The following HAVCR1 variants were observed in gnomAD, a reference collection of about 807,000 sequenced individuals.
HAVCR1 encodes the protein T cell immunoglobin domain and mucin domain protein 1.
Under a neutral mutation model 32.0 loss-of-function variants are expected in HAVCR1, and 34 were observed. The observed-to-expected ratio is 1.06, with a 90% CI of 0.81 to 1.42. The LOEUF is 1.42. HAVCR1 is among the 40% of genes most tolerant of loss of function. The pLI, the probability that HAVCR1 is intolerant of heterozygous loss-of-function variation, is 0.00. For synonymous variants in HAVCR1, 178 were observed against 170.3 expected (o/e 1.05, Z -0.35); for missense variants, 420 against 442.3 (o/e 0.95, Z 0.45).
intron 4 of HAVCR1, among the ~76,000 whole-genome samples, chr5:157,050,735 A>G (rs1348835701): frequency 6.6e-6 from 1 of 152,234 alleles, no homozygotes; most frequent in Non-Finnish European, 1.5e-5. Flanking sequence ...CAACATTGAG[A>G]AAGTCTAACA....
the HAVCR1 span, among the ~76,000 whole-genome samples, chr5:157,066,231 T>A: frequency 1.3e-5 from 2 of 151,946 alleles, no homozygotes; most frequent in Non-Finnish European, 2.9e-5. Flanking sequence ...ATAAGATTTG[T>A]CATAGACTGA....
intron 4 of HAVCR1, among the ~76,000 whole-genome samples, chr5:157,050,357 C>T (rs1581714442): frequency 6.6e-6 from 1 of 152,186 alleles, no homozygotes; most frequent in East Asian, 1.9e-4. Context: ...CTTTTCTCCA[C>T]TGCTCCTACA....
chr5:157,032,241 G>A (rs376699100), intron 8 of HAVCR1, among the ~76,000 whole-genome samples: 9 of 152,154 alleles, frequency 5.9e-5, no homozygotes, highest in East Asian at 3.9e-4. Context: ...AAAAATGGCC[G>A]GGCGCGGTGG....
intron 6 of HAVCR1, 109 bp downstream of exon 6, chr5:157,042,518 A>G (rs1046340563): frequency 6.5e-6 from 4 of 618,566 alleles, no homozygotes; most frequent in African/African-American, 5.7e-5. Flanking sequence ...TTAAGAAGAA[A>G]AAAAAAATTC....
chr5:157,047,994 A>G (rs1755509402), intron 5 of HAVCR1, among the ~76,000 whole-genome samples: 1 of 151,806 alleles, frequency 6.6e-6, no homozygotes, highest in Non-Finnish European at 1.5e-5. Context: ...TGGGGAAAAA[A>G]CTCCACACAT....
intron 6 of HAVCR1, among the ~76,000 whole-genome samples, chr5:157,042,209 G>A (rs1340499634): frequency 1.3e-5 from 2 of 151,938 alleles, no homozygotes; most frequent in East Asian, 3.9e-4. Context: ...AAAGCATCCC[G>A]AGGCGGGCGG....
Position 157,037,305 on chromosome 5 carries a change from A to G in HAVCR1, c.894T>C (p.Ala298=). Residue 298 remains alanine (A), a synonymous_variant, in exon 7 of 9, where the codon GCT becomes GCC. Transcript: ENST00000523175. The part of the protein sequence containing the change: ...LTANTTKGIY[A]GVCISVLVLL... ...GCACCAAGACAGAAATACAGACTCC[A>G]GCATAGATTCCTTTAGTGGTATTGG... The G allele has an allele frequency of 6.2e-7, 1 of 1,608,296 alleles. No homozygotes were observed.
chr5:157,048,940 C>T, intron 5 of HAVCR1, 98 bp downstream of exon 5: 2 of 734,458 alleles, frequency 2.7e-6, no homozygotes, highest in East Asian at 5.0e-5. Context: ...GGTGTTGGCA[C>T]TCAGATCAGT....
upstream of HAVCR1, among the ~76,000 whole-genome samples, chr5:157,061,789 G>C (rs1561609882): frequency 6.6e-6 from 1 of 152,114 alleles, no homozygotes; most frequent in Non-Finnish European, 1.5e-5. Flanking sequence ...ATGACGGAAT[G>C]TGGGGGGTGG....
the HAVCR1 span, among the ~76,000 whole-genome samples, chr5:157,064,695 T>C: frequency 3.3e-5 from 5 of 151,660 alleles, no homozygotes; most frequent in Non-Finnish European, 7.4e-5. Flanking sequence ...GGCAAAACCC[T>C]GTCTCTACTA....
chr5:157,031,907 G>A (rs941916238), intron 8 of HAVCR1, among the ~76,000 whole-genome samples: 2 of 152,124 alleles, frequency 1.3e-5, no homozygotes, highest in Admixed American at 6.6e-5. Context: ...AGTGGAGCAG[G>A]CTGGGTAGGG....
intron 3 of HAVCR1, among the ~76,000 whole-genome samples, chr5:157,053,201 C>G (rs907386413): frequency 2.6e-5 from 1 of 37,772 alleles, no homozygotes; most frequent in Admixed American, 3.9e-4. Flanking sequence ...CCAGACCAGC[C>G]TGGGCAACAG....
rs758195460 is a variant in HAVCR1 at position 157,049,053 on chromosome 5, A to G, written c.766T>C (p.Tyr256His). ...ACGCAGTTACCTGTTGTGTAAGAGTACAATGGTGAGCTGGTGGGTTCTCTC... is the reference window on the plus strand; with the variant it reads ...ACGCAGTTACCTGTTGTGTAAGAGTGCAATGGTGAGCTGGTGGGTTCTCTC... The part of the protein sequence containing the change: ...IRREPTSSPL[Y>H]SYTTDGNDTV... Residue 256 changes from tyrosine to histidine, a missense_variant, in exon 5 of 9, where the codon TAC (tyrosine) becomes CAC (histidine). Coordinates refer to ENST00000523175, the MANE Select transcript of HAVCR1 (RefSeq NM_001173393.3). The G allele has an allele frequency of 3.8e-6, 6 of 1,594,404 alleles. No homozygotes were observed. In the East Asian group the frequency reaches 1.3e-4, roughly 36 times the overall value.
intron 6 of HAVCR1, among the ~76,000 whole-genome samples, chr5:157,041,238 CTG>C (rs1754872506): frequency 6.6e-6 from 1 of 152,180 alleles, no homozygotes; most frequent in Non-Finnish European, 1.5e-5. Context: ...TGGCTCACGC[CTG>C]TAATTCCAGC....
At chr5:157,044,641 G>GAAAGA in intron 5 of HAVCR1, among the ~76,000 whole-genome samples, 1 of 108,518 alleles carries the variant, frequency 9.2e-6, no homozygotes, top group Admixed American at 9.2e-5. Context: ...AAGAAAGAAA[G>GAAAGA]AAAGAAAGAA....
At chr5:157,044,645 GAAAGAA>G (rs1755239001) in intron 5 of HAVCR1, among the ~76,000 whole-genome samples, 1 of 114,326 alleles carries the variant, frequency 8.7e-6, no homozygotes, top group Non-Finnish European at 1.7e-5. Flanking sequence ...AAGAAAGAAA[GAAAGAA>G]AGAAAGAAAG....
intron 8 of HAVCR1, 105 bp from the exon 9 acceptor site, chr5:157,029,946 G>C (rs2134230): frequency 0.2 from 164,938 of 807,498 alleles, 17,016 homozygotes; most frequent in Middle Eastern, 0.33. Flanking sequence ...TCAGGTATTC[G>C]AGACTCCAGG....
chr5:157,037,205 G>A (rs903420273), intron 7 of HAVCR1, 42 bp downstream of exon 7: 3 of 1,001,828 alleles, frequency 3.0e-6, no homozygotes, highest in Non-Finnish European at 4.8e-6. Flanking sequence ...CAATTTTGCT[G>A]TACATCCCTT....
chr5:157,044,615 G>GAAAGAAAGAAAGAAAGAAAGAAAA lies in HAVCR1; in HGVS notation c.782-1934_782-1933insTTTTCTTTCTTTCTTTCTTTCTTT, dbSNP rs760337335. 1.6e-3 allele frequency among the ~76,000 whole-genome samples: 82 copies of GAAAGAAAGAAAGAAAGAAAGAAAA among 52,718 alleles called. 4 individuals are homozygous for GAAAGAAAGAAAGAAAGAAAGAAAA. Among genetic ancestry groups the GAAAGAAAGAAAGAAAGAAAGAAAA allele is most frequent in the African/African-American group, 5.1e-3 (79 of 15,484 alleles). 34.6% of individuals were successfully genotyped at this position (52,718 alleles called of 152,430 possible). ...AGAAAGAAAGAAAGAAAGAAAGAAA[G>GAAAGAAAGAAAGAAAGAAAGAAAA]AGAAAGAAAGAAAGAAAGAAAGAAA... On this transcript the variant is annotated intron_variant, in intron 5 of 8. Transcript: ENST00000523175.
Sources: allele counts gnomAD v4.1 joint callset (sites outside exome capture counted in the v4.1 genomes callset), GRCh38; gene constraint gnomAD v4.1.1; transcripts MANE v1.5; gene names NCBI Gene and HGNC (gene_info 2026-07-23, HGNC 2026-07-21).